The following SLC2A11 variants were observed in gnomAD, a reference collection of about 807,000 sequenced individuals.
SLC2A11 encodes solute carrier family 2 member 11.
SLC2A11 carries 43 observed loss-of-function variants against 52.1 expected under a neutral mutation model. The ratio of observed to expected loss-of-function variants is 0.82; its 90% CI spans 0.65 to 1.06. The LOEUF is 1.06. SLC2A11 is among the 50% of genes least tolerant of loss of function. The pLI is 0.00. For missense variants in SLC2A11, 582 were observed against 654.2 expected, an observed-to-expected ratio of 0.89 and a Z score of 1.20; for synonymous variants, 261 against 277.6, an observed-to-expected ratio of 0.94 and a Z score of 0.59.
chr22:23,870,505 T>TA (rs1317134658), intron 3 of SLC2A11: 1 of 159,066 alleles, frequency 6.3e-6, no homozygotes, highest in African/African-American at 2.4e-5. Flanking sequence ...TTGCTTTGTT[T>TA]ATCACCCAAC....
At chr22:23,877,479 G>C in intron 5 of SLC2A11, 1 of 767,138 alleles carries the variant, frequency 1.3e-6, no homozygotes, top group Middle Eastern at 2.2e-4. Context: ...AAAAAGAGGA[G>C]AAGGCAGAGC....
intron 8 of SLC2A11, 175 bp from the exon 9 acceptor site, chr22:23,883,597 T>A (rs2032901303): frequency 3.7e-6 from 2 of 539,104 alleles, no homozygotes; most frequent in African/African-American, 2.0e-5. Context: ...GGAAACTGGC[T>A]GAAGTTGGGT....
chr22:23,883,708 T>C, intron 8 of SLC2A11, 64 bp from the exon 9 acceptor site: 1 of 1,371,386 alleles, frequency 7.3e-7, no homozygotes, highest in South Asian at 1.7e-5. Context: ...CCCCTTCCCA[T>C]TGCCTGCCCC....
rs572107405 is a variant in SLC2A11 at position 23,857,895 on chromosome 22, G to C, written c.-105G>C. The C allele has an allele frequency of 6.4e-7, 1 of 1,565,046 alleles. No homozygotes were observed. The highest frequency in any genetic ancestry group is 1.2e-5 in the South Asian group (1 of 85,180). On this transcript the variant is annotated 5_prime_UTR_variant, in exon 1 of 12. Transcript: ENST00000316185. ...AGCGCCTCTTTCACCACTGGGCGCT[G>C]CGCGCTGCCCTTCCCTCCGCGCACA...
intron 1 of SLC2A11, among the ~76,000 whole-genome samples, chr22:23,861,878 A>G (rs1299720441): frequency 6.6e-6 from 1 of 152,124 alleles, no homozygotes; most frequent in Non-Finnish European, 1.5e-5. Flanking sequence ...GGGTGGGGTG[A>G]GGGTAAAGTG....
chr22:23,876,816 G>A (rs1345852682), intron 4 of SLC2A11, among the ~76,000 whole-genome samples: 1 of 152,182 alleles, frequency 6.6e-6, no homozygotes, highest in African/African-American at 2.4e-5. Flanking sequence ...GAGCGGATCT[G>A]AGAAAGCCCT....
At chr22:23,858,254 G>A in intron 1 of SLC2A11, 1 of 706,540 alleles carries the variant, frequency 1.4e-6, no homozygotes, top group African/African-American at 1.8e-5. Flanking sequence ...GCTGGACCCT[G>A]GCATCCCAGC....
chr22:23,871,134 A>G (rs12159879), intron 3 of SLC2A11: 27,631 of 151,784 alleles, frequency 0.18, 2,632 homozygotes, highest in African/African-American at 0.23. Context: ...GGCCGGGTGC[A>G]GTGGCTCCTG....
intron 3 of SLC2A11, among the ~76,000 whole-genome samples, chr22:23,874,732 G>A (rs1057323279): frequency 3.3e-5 from 5 of 152,064 alleles, no homozygotes; most frequent in Admixed American, 1.3e-4. Context: ...GATTACAGGC[G>A]TGAGCCACCG....
chr22:23,868,638 G>A lies in SLC2A11; in HGVS notation c.287G>A (p.Gly96Glu), dbSNP rs1221071394. 3 of 1,614,068 alleles carry A rather than the reference G, an allele frequency of 1.9e-6. No individual in the cohort carries two copies. The highest frequency in any genetic ancestry group is 1.6e-4 in the Middle Eastern group (1 of 6,062). The change falls in exon 3 of 12, where the codon GGA (glycine) becomes GAA (glutamate). Residue 96 changes from glycine to glutamate, a missense_variant. Physicochemically the swap from Gly to Glu is moderately conservative, Grantham distance 98 (BLOSUM62 -2). Coordinates refer to ENST00000316185, the MANE Select transcript of SLC2A11 (RefSeq NM_001024939.4). ...LLAGPLAITL[G>E]RKKSLLVNNI... Reference sequence around the variant, plus strand: ...GCAGGTCCCTTGGCCATCACGCTGGGAAGGTAAGTGCTTCCTGCATACCCC... The same window carrying A: ...GCAGGTCCCTTGGCCATCACGCTGGAAAGGTAAGTGCTTCCTGCATACCCC...
rs1406426076 is a variant in SLC2A11, at chr22:23,882,588, G to A, written c.824G>A (p.Arg275Lys). The A allele has an allele frequency of 6.2e-7, 1 of 1,613,488 alleles. No individual in the cohort carries two copies. Among genetic ancestry groups the A allele is most frequent in the South Asian group, 1.1e-5 (1 of 91,040 alleles). Residue 275 changes from arginine (R) to lysine (K), a missense_variant, in exon 7 of 12, where the codon AGA becomes AAA. Transcript: ENST00000316185. ...CTGTTCCAGCATCGGGCCCTGAGGA[G>A]ACAGGTGACAAGCCTCGTGGTTCTG... The part of the protein sequence containing the change: ...WELFQHRALR[R>K]QVTSLVVLGS...
chr22:23,857,503 T>A, upstream of SLC2A11: 1 of 1,613,510 alleles, frequency 6.2e-7, no homozygotes, highest in Non-Finnish European at 8.5e-7. Flanking sequence ...GAGGATGAAC[T>A]GGAGCCGTCC....
chr22:23,866,075 T>C (rs2032251120), intron 2 of SLC2A11: 1 of 151,448 alleles, frequency 6.6e-6, no homozygotes, highest in African/African-American at 2.4e-5. Flanking sequence ...AGGCTGAGGT[T>C]GGAGGATGGC....
At chr22:23,871,663 A>G (rs2032461528) in intron 3 of SLC2A11, 1 of 151,608 alleles carries the variant, frequency 6.6e-6, no homozygotes, top group Non-Finnish European at 1.5e-5. Flanking sequence ...AATGGCGTGA[A>G]CCTGGGAGGC....
At chr22:23,867,372 A>G in intron 2 of SLC2A11, 1 of 152,124 alleles carries the variant, frequency 6.6e-6, no homozygotes. Context: ...TTTTTTTTGT[A>G]TTTTTAGTAG....
At chr22:23,881,012 C>T (rs1011900219) in intron 6 of SLC2A11, 2 of 151,936 alleles carry the variant, frequency 1.3e-5, no homozygotes, top group Non-Finnish European at 2.9e-5. Context: ...TCCTCTGCCT[C>T]GTCTTGGAAC....
Position 23,884,195 on chromosome 22 carries a change from C to G in SLC2A11, c.1172-107C>G. On this transcript the variant is annotated intron_variant, in intron 10 of 11. Transcript: ENST00000316185. This position sits in a 1 kb window ranked among gnomAD's most constrained non-coding sequence, Gnocchi z 4.3. ...CAGGAGGAGAGCACTGAGGGGCCCC[C>G]CATACAGACTGGGCCTGGGCTCCCA... The G allele has an allele frequency of 1.3e-6, 2 of 1,498,678 alleles. No individual in the cohort carries two copies. Among genetic ancestry groups the G allele is most frequent in the Non-Finnish European group, 1.8e-6 (2 of 1,124,062 alleles). 92.8% of individuals were successfully genotyped at this position (1,498,678 alleles called of 1,614,324 possible). A position where few individuals can be genotyped will look rare whatever the true frequency, so the allele number is the denominator to read the frequency against.
At chr22:23,870,305 A>G (rs115750900) in intron 3 of SLC2A11, 1 of 476,216 alleles carries the variant, frequency 2.1e-6, no homozygotes, top group African/African-American at 2.0e-5. Flanking sequence ...TATTGTAATT[A>G]AAGCAAATGT....
chr22:23,880,252 C>G (rs988025238), intron 6 of SLC2A11, among the ~76,000 whole-genome samples: 1 of 118,586 alleles, frequency 8.4e-6, no homozygotes, highest in Middle Eastern at 4.3e-3. Flanking sequence ...GAGTGAGACT[C>G]CATCTCAAAA....
Sources: gnomAD v4.1 joint callset for allele counts (sites outside exome capture counted in the v4.1 genomes callset) on GRCh38, gnomAD v4.1.1 for gene constraint, Gnocchi (gnomAD v3.1) non-coding constraint, MANE v1.5 for transcripts, NCBI Gene and HGNC (gene_info 2026-07-23, HGNC 2026-07-21) for gene names.